The following RBMS3 variants were observed in gnomAD, a reference collection of about 807,000 sequenced individuals.
RBMS3 encodes RNA-binding motif, single-stranded-interacting protein 3.
In RBMS3, 27 loss-of-function variants were observed where a neutral mutation model predicts 66.8. The ratio of observed to expected loss-of-function variants is 0.40; its 90% CI spans 0.30 to 0.56. The LOEUF is 0.56. Among genes scored for constraint, RBMS3 ranks in the 20% least tolerant of loss-of-function variants. The probability of loss-of-function intolerance (pLI) is 0.40; values close to 1 mark genes in which losing one functional copy is unlikely to be tolerated. For synonymous variants in RBMS3, 188 were observed against 183.0 expected (o/e 1.03, Z -0.22); for missense variants, 513 against 549.5 (o/e 0.93, Z 0.66).
chr3:29,305,531 G>T lies in RBMS3; in HGVS notation c.75+23775G>T, dbSNP rs191962111. Reference sequence around the variant, plus strand: ...AGTTCCTACGCCAAATTGTATGCCAGGGTAGTAATCCCTTTGTCTCTGACA... The same window carrying T: ...AGTTCCTACGCCAAATTGTATGCCATGGTAGTAATCCCTTTGTCTCTGACA... On this transcript the variant is annotated intron_variant, in intron 1 of 14. Coordinates refer to ENST00000383767, the MANE Select transcript of RBMS3 (RefSeq NM_001003793.3). Among the ~76,000 whole-genome samples, 92 of 152,030 alleles carry T rather than the reference G, an allele frequency of 6.1e-4. 2 individuals are homozygous for T. The highest frequency in any genetic ancestry group is 6.0e-3 in the Admixed American group (92 of 15,246).
chr3:29,586,798 A>G (rs1156545280), intron 3 of RBMS3, among the ~76,000 whole-genome samples: 1 of 152,162 alleles, frequency 6.6e-6, no homozygotes, highest in African/African-American at 2.4e-5. Context: ...CACTTTTGCC[A>G]TAATCCATGA....
chr3:29,880,951 C>A, intron 7 of RBMS3: 1 of 903,808 alleles, frequency 1.1e-6, no homozygotes, highest in South Asian at 1.5e-5. Flanking sequence ...TTCCAGGGAG[C>A]TCATGCTAAC....
chr3:29,541,263 T>G (rs772705570), intron 3 of RBMS3, among the ~76,000 whole-genome samples: 3 of 150,098 alleles, frequency 2.0e-5, no homozygotes, highest in Non-Finnish European at 3.0e-5. Context: ...AACTGTCCAG[T>G]TAGCAATTCC....
intron 1 of RBMS3, among the ~76,000 whole-genome samples, chr3:29,314,919 A>G (rs550279420): frequency 6.6e-6 from 1 of 151,884 alleles, no homozygotes; most frequent in South Asian, 2.1e-4. Context: ...ATCAGTAAGA[A>G]ATATGCCAAA....
At chr3:29,395,470 C>T (rs2039505158) in intron 1 of RBMS3, among the ~76,000 whole-genome samples, 1 of 152,080 alleles carries the variant, frequency 6.6e-6, no homozygotes, top group Non-Finnish European at 1.5e-5. Context: ...ACAGAATTCC[C>T]ATTAGATAAA....
chr3:29,785,750 A>G (rs994735931), intron 6 of RBMS3, among the ~76,000 whole-genome samples: 3 of 152,140 alleles, frequency 2.0e-5, no homozygotes, highest in Non-Finnish European at 4.4e-5. Context: ...TGAACAGAGA[A>G]AAGTTGAAAG....
chr3:29,825,664 T>G (rs2058193348), intron 6 of RBMS3, among the ~76,000 whole-genome samples: 1 of 152,162 alleles, frequency 6.6e-6, no homozygotes, highest in Non-Finnish European at 1.5e-5. Flanking sequence ...TGTGGAACTG[T>G]GAGTCAATTA....
chr3:29,561,122 T>TG (rs71091072), intron 3 of RBMS3, among the ~76,000 whole-genome samples: 152,289 of 152,304 alleles, frequency 1, 76,137 homozygotes, highest in Middle Eastern at 1. Flanking sequence ...TACCACATTT[T>TG]CTTATCCAGT....
intron 2 of RBMS3, among the ~76,000 whole-genome samples, chr3:29,467,449 G>A (rs2042581828): frequency 6.6e-6 from 1 of 152,144 alleles, no homozygotes; most frequent in Non-Finnish European, 1.5e-5. Flanking sequence ...TCATGAAGCT[G>A]TGTTTCAGAC....
At chr3:29,986,078 T>G (rs1331687036) in intron 12 of RBMS3, among the ~76,000 whole-genome samples, 1 of 152,164 alleles carries the variant, frequency 6.6e-6, no homozygotes, top group Admixed American at 6.6e-5. Context: ...TTGCAAAGTT[T>G]AGAATTACTA....
intron 3 of RBMS3, among the ~76,000 whole-genome samples, chr3:29,500,550 C>T (rs1214540824): frequency 6.6e-6 from 1 of 151,396 alleles, no homozygotes; most frequent in African/African-American, 2.4e-5. Context: ...AGGATTATAC[C>T]ATGTTTTTAC....
At chr3:29,647,515 C>A (rs2049968516) in intron 4 of RBMS3, among the ~76,000 whole-genome samples, 1 of 152,108 alleles carries the variant, frequency 6.6e-6, no homozygotes, top group South Asian at 2.1e-4. Context: ...GAGGTGGAAA[C>A]CATAACAACT....
intron 1 of RBMS3, among the ~76,000 whole-genome samples, chr3:29,396,940 G>A (rs1398769272): frequency 6.6e-6 from 1 of 152,040 alleles, no homozygotes; most frequent in Admixed American, 6.6e-5. Flanking sequence ...GCAATACAGA[G>A]GTGTTTGATA....
intron 2 of RBMS3, among the ~76,000 whole-genome samples, chr3:29,454,435 A>T (rs2042115714): frequency 6.6e-6 from 1 of 152,168 alleles, no homozygotes; most frequent in Non-Finnish European, 1.5e-5. Flanking sequence ...CTTTGAAAGG[A>T]TCTGGTAATT....
At chr3:29,998,652 A>G (rs1312417195) in intron 14 of RBMS3, among the ~76,000 whole-genome samples, 2 of 152,230 alleles carry the variant, frequency 1.3e-5, no homozygotes, top group African/African-American at 2.4e-5. Flanking sequence ...CCTGACAAAA[A>G]CAAGCAATGG....
chr3:29,535,713 T>A, intron 3 of RBMS3, among the ~76,000 whole-genome samples: 1 of 117,798 alleles, frequency 8.5e-6, no homozygotes, highest in Non-Finnish European at 1.7e-5. Context: ...CATTGCTCTT[T>A]TTTTTTTTTT....
chr3:30,001,139 T>TTAAA (rs1212797629), intron 14 of RBMS3, among the ~76,000 whole-genome samples: 1 of 152,126 alleles, frequency 6.6e-6, no homozygotes, highest in Admixed American at 6.6e-5. Context: ...GACAATTTTT[T>TTAAA]TAAATATTCA....
intron 6 of RBMS3, among the ~76,000 whole-genome samples, chr3:29,827,445 TGAA>T (rs891283088): frequency 6.6e-6 from 1 of 152,208 alleles, no homozygotes; most frequent in African/African-American, 2.4e-5. Flanking sequence ...TATATTACTT[TGAA>T]GAAATATCCT....
chr3:29,303,581 A>G (rs2033818073), intron 1 of RBMS3, among the ~76,000 whole-genome samples: 1 of 152,044 alleles, frequency 6.6e-6, no homozygotes, highest in Non-Finnish European at 1.5e-5. Context: ...ACTTCTTGAT[A>G]AAAACTGCAA....
Sources: allele counts gnomAD v4.1 joint callset (sites outside exome capture counted in the v4.1 genomes callset), GRCh38; gene constraint gnomAD v4.1.1; transcripts MANE v1.5; gene names NCBI Gene and HGNC (gene_info 2026-07-23, HGNC 2026-07-21).